The following MIB1 variants were observed in gnomAD, a reference collection of about 807,000 sequenced individuals.
MIB1 encodes E3 ubiquitin-protein ligase MIB1.
In MIB1, 278 loss-of-function variants were observed where a neutral mutation model predicts 124.5. That is an observed-to-expected ratio of 2.23 (90% CI 2.02 to 2.47). The LOEUF is 2.47. MIB1 is among the 30% of genes most tolerant of loss of function. The probability of loss-of-function intolerance (pLI) is 0.00; values close to 1 mark genes in which losing one functional copy is unlikely to be tolerated. For missense variants in MIB1, 957 were observed against 1,254.4 expected (o/e 0.76, Z 3.58); for synonymous variants, 446 against 429.4 (o/e 1.04, Z -0.48).
At chr18:21,738,659 T>C (rs2040806135), upstream of MIB1, among the ~76,000 whole-genome samples, 1 of 150,374 alleles carries the variant, frequency 6.7e-6, no homozygotes. Flanking sequence ...TACAACAAAT[T>C]AGCTGGGCAT....
At chr18:21,849,635 T>G (rs1487722368) in intron 17 of MIB1, among the ~76,000 whole-genome samples, 4 of 152,158 alleles carry the variant, frequency 2.6e-5, no homozygotes, top group South Asian at 2.1e-4. Flanking sequence ...TGATACACCA[T>G]TTTTACTGTC....
chr18:21,790,499 AAAAT>A (rs1324143279), intron 6 of MIB1, among the ~76,000 whole-genome samples: 1 of 152,192 alleles, frequency 6.6e-6, no homozygotes, highest in African/African-American at 2.4e-5. Context: ...GTGACACTAA[AAAAT>A]AAATCTTCCA....
chr18:21,841,581 GGTTAGGAT>G (rs1415899783), intron 13 of MIB1, among the ~76,000 whole-genome samples: 2 of 151,648 alleles, frequency 1.3e-5, no homozygotes, highest in African/African-American at 2.4e-5. Context: ...ACCAAGTATT[GGTTAGGAT>G]GTGGAACAAT....
At chr18:21,850,512 C>G (rs1431919254) in intron 17 of MIB1, among the ~76,000 whole-genome samples, 2 of 152,182 alleles carry the variant, frequency 1.3e-5, no homozygotes, top group African/African-American at 4.8e-5. Flanking sequence ...CCTGCTTCTT[C>G]TACTTTCAAC....
At chr18:21,720,190 T>C (rs1333532297) in intron 1 of MIB1, among the ~76,000 whole-genome samples, 1 of 152,138 alleles carries the variant, frequency 6.6e-6, no homozygotes, top group Non-Finnish European at 1.5e-5. Context: ...GCTAACAAAA[T>C]GAAGGAATGG....
intron 3 of MIB1, among the ~76,000 whole-genome samples, chr18:21,772,743 G>A (rs969715011): frequency 6.6e-6 from 1 of 152,078 alleles, no homozygotes; most frequent in Non-Finnish European, 1.5e-5. Context: ...GCTTGGAGAT[G>A]TTGTCTGGGT....
At chr18:21,838,885 G>C (rs2042057829) in intron 13 of MIB1, among the ~76,000 whole-genome samples, 1 of 152,206 alleles carries the variant, frequency 6.6e-6, no homozygotes, top group South Asian at 2.1e-4. Flanking sequence ...TCAGACTGCA[G>C]TTTGCAGCTA....
At chr18:21,817,728 T>G (rs575440075) in intron 11 of MIB1, 1 of 424,682 alleles carries the variant, frequency 2.4e-6, no homozygotes, top group East Asian at 7.8e-5. Context: ...TCCTCAGTGT[T>G]GGAGATGAAG....
chr18:21,763,072 G>A (rs767180617), intron 1 of MIB1, among the ~76,000 whole-genome samples: 5 of 143,300 alleles, frequency 3.5e-5, no homozygotes, highest in African/African-American at 5.1e-5. Context: ...ATTTTTTTCT[G>A]TTTTTTTTTT....
At chr18:21,781,368 TATATATATATATATATATATATATA>T (rs1390023277) in intron 6 of MIB1, among the ~76,000 whole-genome samples, 119 of 3,356 alleles carry the variant, frequency 0.035, 3 homozygotes, top group South Asian at 0.24. Flanking sequence ...GTTCAAGTTA[TATATATATATATATATATATATATA>T]TATATATATA....
intron 1 of MIB1, among the ~76,000 whole-genome samples, chr18:21,721,159 G>GT (rs34277676): frequency 0.032 from 941 of 29,758 alleles, 439 homozygotes; most frequent in Non-Finnish European, 0.048. Flanking sequence ...TTTTAAAGAA[G>GT]TTTTTTTTTT....
At chr18:21,824,505 T>A (rs2041907404) in intron 12 of MIB1, among the ~76,000 whole-genome samples, 1 of 152,148 alleles carries the variant, frequency 6.6e-6, no homozygotes, top group South Asian at 2.1e-4. Flanking sequence ...GTCTATTCGG[T>A]AATAGGATAC....
At chr18:21,749,340 G>A (rs76503864) in intron 1 of MIB1, among the ~76,000 whole-genome samples, 3 of 151,988 alleles carry the variant, frequency 2.0e-5, no homozygotes, top group East Asian at 3.9e-4. Context: ...CTTTTTGGTC[G>A]GTACATAGTA....
intron 10 of MIB1, 110 bp downstream of exon 10, chr18:21,804,124 C>T: frequency 1.3e-6 from 1 of 752,750 alleles, no homozygotes. Context: ...CCAACTAAGG[C>T]TTTTCTGATT....
intron 13 of MIB1, among the ~76,000 whole-genome samples, chr18:21,839,445 C>T (rs894344148): frequency 7.2e-5 from 11 of 152,072 alleles, no homozygotes; most frequent in Non-Finnish European, 1.6e-4. Context: ...TAGATTAAAT[C>T]CTCTTTCTTT....
chr18:21,824,293 A>G (rs1448764016), intron 12 of MIB1, among the ~76,000 whole-genome samples: 1 of 152,152 alleles, frequency 6.6e-6, no homozygotes, highest in East Asian at 1.9e-4. Flanking sequence ...CATATTACAA[A>G]TCTTACTGAA....
rs1002872399 is a variant in MIB1, at chr18:21,866,645, T to C, written c.*1979T>C. On this transcript the variant is annotated 3_prime_UTR_variant, in exon 21 of 21. Coordinates refer to ENST00000261537, the MANE Select transcript of MIB1 (RefSeq NM_020774.4). ...AATTGTGTGGTCTCCAGCTCTACTT[T>C]CCTTAAACAAATCCTTTCTGTTTTC... 1 of 152,172 alleles carries C rather than the reference T, an allele frequency of 6.6e-6. No homozygotes were observed. The highest frequency in any genetic ancestry group is 2.4e-5 in the African/African-American group (1 of 41,444). The allele number at this position is 152,172 out of a possible 1,614,324, so 9.4% of individuals were successfully genotyped here.
rs998151591 is a variant in MIB1 at position 21,866,198 on chromosome 18, A to T, written c.*1532A>T. Reference sequence around the variant, plus strand: ...AAAGTATGAAGTCTCTAGCCCTCTTACACTGTTTCTGGCTGTTTAATCCTT... The same window carrying T: ...AAAGTATGAAGTCTCTAGCCCTCTTTCACTGTTTCTGGCTGTTTAATCCTT... On this transcript the variant is annotated 3_prime_UTR_variant, in exon 21 of 21. Transcript: ENST00000261537. 2 of 152,130 alleles carry T rather than the reference A, an allele frequency of 1.3e-5. No homozygotes were observed. The highest frequency in any genetic ancestry group is 4.8e-5 in the African/African-American group (2 of 41,416). 9.4% of individuals were successfully genotyped at this position (152,130 alleles called of 1,614,324 possible). A position where few individuals can be genotyped will look rare whatever the true frequency, so the allele number is the denominator to read the frequency against.
At chr18:21,862,958 A>G (rs2042289089) in intron 20 of MIB1, among the ~76,000 whole-genome samples, 1 of 152,040 alleles carries the variant, frequency 6.6e-6, no homozygotes, top group African/African-American at 2.4e-5. Context: ...ATTTCCTATT[A>G]CGTTTTGGTT....
Sources: gnomAD v4.1 joint callset for allele counts (sites outside exome capture counted in the v4.1 genomes callset) on GRCh38, gnomAD v4.1.1 for gene constraint, MANE v1.5 for transcripts, NCBI Gene and HGNC (gene_info 2026-07-23, HGNC 2026-07-21) for gene names.